Variants in GRM8 observed in about 807,000 individuals in gnomAD.
GRM8 encodes metabotropic glutamate receptor 8.
GRM8 carries 47 observed loss-of-function variants against 87.2 expected under a neutral mutation model. That is an observed-to-expected ratio of 0.54 (90% confidence interval 0.43 to 0.69). GRM8 has a LOEUF of 0.69. Ranked by LOEUF, GRM8 falls within the 30% of genes least tolerant of loss-of-function variation. The pLI is 0.00. For synonymous variants in GRM8, 396 were observed against 404.5 expected (o/e 0.98, Z 0.25); for missense variants, 1,019 against 1,139.2 (o/e 0.89, Z 1.52).
chr7:126,446,461 A>G, intron 9 of GRM8, 89 bp from the exon 10 acceptor site: 1 of 862,928 alleles, frequency 1.2e-6, no homozygotes, highest in Non-Finnish European at 1.8e-6. Context: ...AAATTGTTCC[A>G]GCTTCTCTGC....
intron 8 of GRM8, among the ~76,000 whole-genome samples, chr7:126,537,642 T>C (rs1346675203): frequency 6.6e-6 from 1 of 152,100 alleles, no homozygotes; most frequent in African/African-American, 2.4e-5. Flanking sequence ...CCGGGCATGG[T>C]GGCAGGTGCC....
chr7:126,535,947 G>A (rs1258939889), intron 8 of GRM8, among the ~76,000 whole-genome samples: 2 of 152,198 alleles, frequency 1.3e-5, no homozygotes, highest in African/African-American at 2.4e-5. Flanking sequence ...ACAAACTCAT[G>A]AGAGACCCTG....
intron 3 of GRM8, among the ~76,000 whole-genome samples, chr7:126,955,850 C>A (rs1808620337): frequency 6.6e-6 from 1 of 152,124 alleles, no homozygotes; most frequent in South Asian, 2.1e-4. Flanking sequence ...GAGAGCCTGA[C>A]AACTTTGTCA....
At chr7:126,489,409 C>G (rs955333356) in intron 9 of GRM8, among the ~76,000 whole-genome samples, 1 of 151,928 alleles carries the variant, frequency 6.6e-6, no homozygotes, top group Admixed American at 6.6e-5. Context: ...ATCCAAGTAC[C>G]TTGAGGTATG....
intron 8 of GRM8, among the ~76,000 whole-genome samples, chr7:126,538,991 A>C (rs1816199491): frequency 6.6e-6 from 1 of 151,958 alleles, no homozygotes. Flanking sequence ...GCTTTAAGTG[A>C]CCACAAAGAA....
intron 7 of GRM8, among the ~76,000 whole-genome samples, chr7:126,690,934 T>C (rs571915868): frequency 2.0e-5 from 3 of 152,182 alleles, no homozygotes; most frequent in Admixed American, 2.0e-4. Context: ...GGGGAGGTAG[T>C]GAATGCTGAT....
At chr7:127,030,888 A>C (rs1163162451) in intron 3 of GRM8, among the ~76,000 whole-genome samples, 1 of 152,102 alleles carries the variant, frequency 6.6e-6, no homozygotes, top group Non-Finnish European at 1.5e-5. Context: ...TTCTAATGTT[A>C]CATGGTTTCC....
rs532076134 is a variant in GRM8, at chr7:126,770,743, T to C, written c.1157-678A>G. Among the ~76,000 whole-genome samples the C allele has an allele frequency of 3.3e-5, 5 of 152,226 alleles. No homozygotes were observed. In the East Asian group the frequency reaches 9.6e-4, roughly 29 times the overall value. On this transcript the variant is annotated intron_variant, in intron 6 of 10. Coordinates refer to ENST00000339582, the MANE Select transcript of GRM8 (RefSeq NM_000845.3). ...ACTGGAGATTACTTTTAGGTTGGTG[T>C]TTATAATTTAATATGGAAAAGAAAT... is the stretch of plus-strand genomic sequence containing the variant.
intron 7 of GRM8, among the ~76,000 whole-genome samples, chr7:126,630,905 A>G (rs1367206814): frequency 6.6e-6 from 1 of 152,196 alleles, no homozygotes; most frequent in African/African-American, 2.4e-5. Context: ...CATAGACTAC[A>G]AACCCACACA....
intron 3 of GRM8, among the ~76,000 whole-genome samples, chr7:127,083,191 C>T (rs1823060465): frequency 6.6e-6 from 1 of 152,158 alleles, no homozygotes; most frequent in African/African-American, 2.4e-5. Flanking sequence ...ATTAGTTCAC[C>T]TCAAAGCATT....
chr7:126,599,771 A>G (rs906960428), intron 8 of GRM8, among the ~76,000 whole-genome samples: 28 of 152,192 alleles, frequency 1.8e-4, no homozygotes, highest in African/African-American at 5.5e-4. Context: ...AAAAGAATAA[A>G]GGAACACAGC....
chr7:126,780,574 G>C (rs905433799), intron 6 of GRM8, among the ~76,000 whole-genome samples: 1 of 152,148 alleles, frequency 6.6e-6, no homozygotes, highest in Non-Finnish European at 1.5e-5. Flanking sequence ...AAAGATAAAT[G>C]GGAGTGAATT....
chr7:127,015,137 G>T (rs1188896608), intron 3 of GRM8, among the ~76,000 whole-genome samples: 1 of 135,936 alleles, frequency 7.4e-6, no homozygotes, highest in African/African-American at 2.8e-5. Context: ...GAAGGAGAAG[G>T]AAGAAGGAAG....
intron 3 of GRM8, among the ~76,000 whole-genome samples, chr7:127,035,758 A>G (rs1255689016): frequency 1.3e-5 from 2 of 152,100 alleles, no homozygotes; most frequent in Non-Finnish European, 2.9e-5. Flanking sequence ...GCCTAGAGGG[A>G]CCTATTAAAA....
At chr7:126,965,439 A>C (rs934694953) in intron 3 of GRM8, among the ~76,000 whole-genome samples, 16 of 152,138 alleles carry the variant, frequency 1.1e-4, no homozygotes, top group Admixed American at 1.0e-3. Context: ...ATATATCTAG[A>C]CTAGTGTTCT....
intron 2 of GRM8, among the ~76,000 whole-genome samples, chr7:127,189,383 G>A (rs1479847282): frequency 6.6e-6 from 1 of 152,158 alleles, no homozygotes; most frequent in Non-Finnish European, 1.5e-5. Context: ...CAGTTTGATA[G>A]AGGATCTGCA....
intron 6 of GRM8, among the ~76,000 whole-genome samples, chr7:126,772,182 A>G (rs576631810): frequency 1.3e-5 from 2 of 152,212 alleles, no homozygotes; most frequent in Admixed American, 1.3e-4. Context: ...TGTTTAGTCC[A>G]GGACTGAAGG....
At chr7:126,755,205 C>T (rs1231241681) in intron 7 of GRM8, among the ~76,000 whole-genome samples, 1 of 151,964 alleles carries the variant, frequency 6.6e-6, no homozygotes. Flanking sequence ...AAAAGAAAAA[C>T]TTTCTCATTT....
chr7:126,621,884 C>G (rs1443831956), intron 7 of GRM8, among the ~76,000 whole-genome samples: 2 of 152,128 alleles, frequency 1.3e-5, no homozygotes, highest in Non-Finnish European at 2.9e-5. Context: ...TCCTACACTT[C>G]CCAATTCATT....
Sources: allele counts gnomAD v4.1 joint callset (sites outside exome capture counted in the v4.1 genomes callset), GRCh38; gene constraint gnomAD v4.1.1; transcripts MANE v1.5; gene names NCBI Gene and HGNC (gene_info 2026-07-23, HGNC 2026-07-21).